Variants in SVBP observed in about 807,000 individuals in gnomAD.
The protein encoded by SVBP is small vasohibin binding protein.
SVBP carries 9 observed loss-of-function variants against 9.2 expected under a neutral mutation model. That is an observed-to-expected ratio of 0.98 (90% CI 0.59 to 1.71). The LOEUF is 1.71. Among genes scored for constraint, SVBP ranks in the 40% most tolerant of loss-of-function variants. The pLI, the probability that SVBP is intolerant of heterozygous loss-of-function variation, is 0.00. For missense variants in SVBP, 63 were observed against 73.2 expected, an observed-to-expected ratio of 0.86 and a Z score of 0.51; for synonymous variants, 27 against 23.9, an observed-to-expected ratio of 1.13 and a Z score of -0.37.
intron 2 of SVBP, among the ~76,000 whole-genome samples, chr1:42,809,363 G>A (rs189833069): frequency 1.3e-5 from 2 of 152,128 alleles, no homozygotes; most frequent in East Asian, 3.9e-4. Context: ...GAGCAGAAAC[G>A]AATGAAAAAG....
At chr1:42,808,593 T>C (rs997872000) in intron 2 of SVBP, among the ~76,000 whole-genome samples, 2 of 147,742 alleles carry the variant, frequency 1.4e-5, no homozygotes, top group African/African-American at 4.9e-5. Context: ...ATATATGTAG[T>C]ATATATAGCC....
rs1654210489 is a variant in SVBP, at chr1:42,816,436, C to T, written c.109G>A (p.Ala37Thr). 1 of 1,609,854 alleles carries T rather than the reference C, an allele frequency of 6.2e-7. No individual in the cohort carries two copies. Among genetic ancestry groups the T allele is most frequent in the African/African-American group, 1.3e-5 (1 of 74,854 alleles). The change falls in exon 2 of 3, where the codon GCA becomes ACA. Residue 37 changes from alanine to threonine, a missense_variant. Physicochemically the swap from Ala to Thr is moderately conservative, Grantham distance 58 (BLOSUM62 0). Transcript: ENST00000372521. ...AQQELKQRQRAEIYALNRVMT... is the reference protein window; with the variant it reads ...AQQELKQRQRTEIYALNRVMT... ...AGCCTCCGCCTTAATCTCACCTCTGCTCTTTGTCTCTGCTTCAGCTCCTGC... is the reference window on the plus strand; with the variant it reads ...AGCCTCCGCCTTAATCTCACCTCTGTTCTTTGTCTCTGCTTCAGCTCCTGC...
At chr1:42,813,485 C>G in intron 2 of SVBP, 1 of 555,114 alleles carries the variant, frequency 1.8e-6, no homozygotes, top group Non-Finnish European at 3.6e-6. Flanking sequence ...CTGTTAGTGA[C>G]ATCTAATCTG....
intron 2 of SVBP, among the ~76,000 whole-genome samples, chr1:42,808,843 C>T (rs1440071654): frequency 1.3e-5 from 2 of 151,980 alleles, no homozygotes; most frequent in Non-Finnish European, 2.9e-5. Context: ...ATTACAGGTG[C>T]CCGCCACCAA....
intron 2 of SVBP, among the ~76,000 whole-genome samples, chr1:42,815,736 A>G (rs1654188154): frequency 6.6e-6 from 1 of 152,210 alleles, no homozygotes; most frequent in Non-Finnish European, 1.5e-5. Context: ...TTATTAATGT[A>G]AAAATTTAAA....
intron 2 of SVBP, among the ~76,000 whole-genome samples, chr1:42,810,346 C>A (rs1334311036): frequency 6.6e-6 from 1 of 152,084 alleles, no homozygotes; most frequent in Non-Finnish European, 1.5e-5. Flanking sequence ...CGGGATTTCA[C>A]CATGTTGGCC....
chr1:42,812,897 C>G (rs1654110434), intron 2 of SVBP, among the ~76,000 whole-genome samples: 1 of 152,124 alleles, frequency 6.6e-6, no homozygotes, highest in Non-Finnish European at 1.5e-5. Context: ...CAGGCTTAAA[C>G]TTTTCCCTAT....
At position 42,817,387 on chromosome 1, in the gene SVBP, C is replaced by G. The variant is rs1426965329; in HGVS notation, c.-234G>C. ...AGGCTTCCGCCCGCAGGAGCGGCCGCGCGTGCGCAGAGAGGATGGCTGGAA... is the reference window on the plus strand; with the variant it reads ...AGGCTTCCGCCCGCAGGAGCGGCCGGGCGTGCGCAGAGAGGATGGCTGGAA... On this transcript the variant is annotated 5_prime_UTR_variant, in exon 1 of 3. Coordinates refer to ENST00000372521, the MANE Select transcript of SVBP (RefSeq NM_199342.4). The G allele has an allele frequency of 2.1e-6, 1 of 468,396 alleles. No homozygotes were observed. Among genetic ancestry groups the G allele is most frequent in the African/African-American group, 2.2e-5 (1 of 46,326 alleles). 29.0% of individuals were successfully genotyped at this position (468,396 alleles called of 1,614,324 possible).
At chr1:42,813,214 G>A (rs933280274) in intron 2 of SVBP, among the ~76,000 whole-genome samples, 2 of 152,152 alleles carry the variant, frequency 1.3e-5, no homozygotes, top group African/African-American at 4.8e-5. Context: ...GTTGTCTTTA[G>A]CTAGTTTAAA....
At position 42,808,141 on chromosome 1, in the gene SVBP, G is replaced by GTATATATATATA. The variant is rs1305299239; in HGVS notation, c.115-642_115-641insTATATATATATA. Among the ~76,000 whole-genome samples the GTATATATATATA allele has an allele frequency of 4.3e-4, 18 of 41,640 alleles. 1 individual carries two copies. Among genetic ancestry groups the GTATATATATATA allele is most frequent in the African/African-American group, 5.8e-4 (5 of 8,616 alleles). The allele number at this position is 41,640 out of a possible 152,430, so 27.3% of individuals were successfully genotyped here. On this transcript the variant is annotated intron_variant, in intron 2 of 2. Coordinates refer to ENST00000372521, the MANE Select transcript of SVBP (RefSeq NM_199342.4). The stretch of plus-strand genomic sequence containing the variant: ...GGGGAGCAATGTGAATATAGTGTGT[G>GTATATATATATA]TGTGTGTGTATATATATATATATAT...
rs563119638 is a variant in SVBP, at chr1:42,807,250, G to C, written c.*164C>G. ...GCAAGCATGTGGCCAATTCAGATGG[G>C]AGGAACCAGTGAAGTTAGAAGTTAC... On this transcript the variant is annotated 3_prime_UTR_variant, in exon 3 of 3. Coordinates refer to ENST00000372521, the MANE Select transcript of SVBP (RefSeq NM_199342.4). 12 of 457,766 alleles carry C rather than the reference G, an allele frequency of 2.6e-5. No individual in the cohort carries two copies. The South Asian group carries it at 5.5e-4, about 21-fold the overall frequency. 28.4% of individuals were successfully genotyped at this position (457,766 alleles called of 1,614,324 possible).
At chr1:42,811,104 A>G (rs994515391) in intron 2 of SVBP, among the ~76,000 whole-genome samples, 5 of 152,038 alleles carry the variant, frequency 3.3e-5, no homozygotes, top group Non-Finnish European at 5.9e-5. Flanking sequence ...GTGCCACTGC[A>G]CTCCAGCCTG....
intron 2 of SVBP, among the ~76,000 whole-genome samples, chr1:42,812,592 G>A (rs979547042): frequency 1.3e-5 from 2 of 152,174 alleles, no homozygotes; most frequent in Non-Finnish European, 2.9e-5. Flanking sequence ...TAGAAGGAAT[G>A]CATCTAATGA....
intron 2 of SVBP, among the ~76,000 whole-genome samples, chr1:42,812,217 GTAAAA>G (rs908030738): frequency 2.6e-5 from 4 of 152,202 alleles, no homozygotes; most frequent in African/African-American, 9.6e-5. Flanking sequence ...CTCTAAAATG[GTAAAA>G]TAAATTGAAT....
intron 2 of SVBP, among the ~76,000 whole-genome samples, chr1:42,811,882 A>G (rs1654090599): frequency 6.6e-6 from 1 of 152,204 alleles, no homozygotes; most frequent in African/African-American, 2.4e-5. Context: ...CTCAACATCT[A>G]TCCTTACAAT....
chr1:42,808,686 G>A (rs186961869), intron 2 of SVBP, among the ~76,000 whole-genome samples: 224 of 149,120 alleles, frequency 1.5e-3, no homozygotes, highest in African/African-American at 5.0e-3. Context: ...TGTATATATC[G>A]CATATATATA....
At position 42,807,503 on chromosome 1, in the gene SVBP, G is replaced by T; in HGVS notation, c.115-3C>A. 1 of 1,609,748 alleles carries T rather than the reference G, an allele frequency of 6.2e-7. No homozygotes were observed. The highest frequency in any genetic ancestry group is 1.1e-5 in the South Asian group (1 of 90,904). ...ATGACTCTGTTGAGGGCATAGATCT[G>T]AATGAGAGAAAGAGATACATCTGTT... On this transcript the variant is annotated splice_region_variant and splice_polypyrimidine_tract_variant and intron_variant, in intron 2 of 2. Coordinates refer to ENST00000372521, the MANE Select transcript of SVBP (RefSeq NM_199342.4).
intron 2 of SVBP, among the ~76,000 whole-genome samples, chr1:42,811,180 A>G (rs11210722): frequency 0.026 from 3,982 of 150,932 alleles, 202 homozygotes; most frequent in African/African-American, 0.093. Flanking sequence ...AGAAAAAAAA[A>G]CAGCAAGGCA....
chr1:42,816,582 T>C lies in SVBP; in HGVS notation c.-36-2A>G, dbSNP rs751883095. The stretch of plus-strand genomic sequence containing the variant: ...GGATATTTCTTAGGAGGCTCTGATC[T>C]GGGTGGTACAGAAAGAGGCAGATCT... On this transcript the variant is annotated splice_acceptor_variant, in intron 1 of 2. Transcript: ENST00000372521. LOFTEE classifies it low-confidence loss of function (5UTR_SPLICE). 2 of 1,411,798 alleles carry C rather than the reference T, an allele frequency of 1.4e-6. No individual in the cohort carries two copies. Among genetic ancestry groups the C allele is most frequent in the Non-Finnish European group, 2.0e-6 (2 of 998,364 alleles). The allele number at this position is 1,411,798 out of a possible 1,614,324, so 87.5% of individuals were successfully genotyped here. A position where few individuals can be genotyped will look rare whatever the true frequency, so the allele number is the denominator to read the frequency against.
Sources: gnomAD v4.1 joint callset for allele counts (sites outside exome capture counted in the v4.1 genomes callset) on GRCh38, gnomAD v4.1.1 for gene constraint, MANE v1.5 for transcripts, NCBI Gene and HGNC (gene_info 2026-07-23, HGNC 2026-07-21) for gene names.